Variants in ARL3 observed in about 807,000 individuals in gnomAD.
The protein encoded by ARL3 is ARF like GTPase 3.
Under a neutral mutation model 26.0 loss-of-function variants are expected in ARL3, and 9 were observed. The observed-to-expected ratio is 0.35, with a 90% CI of 0.21 to 0.60. The LOEUF (loss-of-function observed/expected upper bound fraction) is 0.60, where lower values mean the gene tolerates loss of function less well. Ranked by LOEUF, ARL3 falls within the 20% of genes least tolerant of loss-of-function variation. The probability of loss-of-function intolerance (pLI) is 0.78; values close to 1 mark genes in which losing one functional copy is unlikely to be tolerated. For missense variants in ARL3, 158 were observed against 215.7 expected, an observed-to-expected ratio of 0.73 and a Z score of 1.67; for synonymous variants, 71 against 78.4, an observed-to-expected ratio of 0.91 and a Z score of 0.50.
intron 1 of ARL3, among the ~76,000 whole-genome samples, chr10:102,708,056 G>T (rs751899186): frequency 3.3e-5 from 5 of 152,080 alleles, no homozygotes; most frequent in South Asian, 4.2e-4. Context: ...TGGGACTACC[G>T]GCTCACACCA....
chr10:102,681,336 G>A (rs1057422428), intron 5 of ARL3, among the ~76,000 whole-genome samples: 1 of 149,510 alleles, frequency 6.7e-6, no homozygotes, highest in South Asian at 2.1e-4. Context: ...AGGTTGCAGT[G>A]AGCCAAGGTT....
intron 2 of ARL3, among the ~76,000 whole-genome samples, chr10:102,700,070 A>C (rs913662343): frequency 6.6e-6 from 1 of 152,176 alleles, no homozygotes; most frequent in Non-Finnish European, 1.5e-5. Context: ...AGGGAGGTGG[A>C]GCCCTCAGTT....
At chr10:102,700,713 C>T (rs1336718336) in intron 2 of ARL3, among the ~76,000 whole-genome samples, 1 of 150,346 alleles carries the variant, frequency 6.7e-6, no homozygotes. Context: ...ATCCGCCCAC[C>T]TTGGCCTTCC....
At chr10:102,690,268 C>G (rs1177946726) in intron 3 of ARL3, among the ~76,000 whole-genome samples, 1 of 151,192 alleles carries the variant, frequency 6.6e-6, no homozygotes, top group South Asian at 2.1e-4. Context: ...CTCATTACAA[C>G]TCTACAATAT....
At chr10:102,702,988 C>G (rs1369788843) in intron 2 of ARL3, among the ~76,000 whole-genome samples, 1 of 152,140 alleles carries the variant, frequency 6.6e-6, no homozygotes, top group African/African-American at 2.4e-5. Flanking sequence ...CTTTAATGCT[C>G]AAACACTTTA....
intron 4 of ARL3, 93 bp from the exon 5 acceptor site, chr10:102,686,094 C>G: frequency 1.0e-6 from 1 of 978,410 alleles, no homozygotes; most frequent in Non-Finnish European, 1.5e-6. Context: ...TTTTTTGAGA[C>G]AGAGTCTCAC....
chr10:102,703,043 G>A (rs1432033491), intron 2 of ARL3, among the ~76,000 whole-genome samples: 1 of 151,688 alleles, frequency 6.6e-6, no homozygotes, highest in Non-Finnish European at 1.5e-5. Context: ...TTAGCCAAAG[G>A]TCAGGCATTC....
intron 5 of ARL3, among the ~76,000 whole-genome samples, chr10:102,680,896 T>C (rs985887613): frequency 5.9e-5 from 9 of 152,044 alleles, no homozygotes; most frequent in Non-Finnish European, 8.8e-5. Flanking sequence ...TATTAGTAGT[T>C]TTTTTTTCTG....
chr10:102,694,190 CGT>C (rs1304878006), intron 3 of ARL3, among the ~76,000 whole-genome samples: 2 of 151,536 alleles, frequency 1.3e-5, no homozygotes, highest in African/African-American at 4.9e-5. Flanking sequence ...GGGGTTTCAC[CGT>C]GTTAGCCAGG....
intron 1 of ARL3, among the ~76,000 whole-genome samples, chr10:102,705,846 T>C (rs895456810): frequency 3.3e-5 from 5 of 152,180 alleles, no homozygotes; most frequent in African/African-American, 4.8e-5. Context: ...TAACTGATGT[T>C]TGTATTTTTC....
At position 102,699,322 on chromosome 10, in the gene ARL3, TAA is replaced by T. The variant is rs59504153; in HGVS notation, c.264+49_264+50del. 1 allele frequency: 1,162,352 copies of T among 1,162,876 alleles called. 580,916 individuals are homozygous for T. The highest frequency in any genetic ancestry group is 1 in the East Asian group (42,684 of 42,684). The allele number at this position is 1,162,876 out of a possible 1,614,324, so 72.0% of individuals were successfully genotyped here. On this transcript the variant is annotated intron_variant, in intron 3 of 5. Transcript: ENST00000260746. The stretch of plus-strand genomic sequence containing the variant: ...AAGAATGTTACAGTGTCCATGTTTC[TAA>T]CACATGGCAGAAAATACTATGAATT...
At chr10:102,686,451 C>CT (rs1165262040) in intron 4 of ARL3, among the ~76,000 whole-genome samples, 9 of 144,220 alleles carry the variant, frequency 6.2e-5, no homozygotes, top group East Asian at 2.1e-4. Context: ...GATTCTCAAA[C>CT]TTTTTTTTTT....
intron 4 of ARL3, 70 bp from the exon 5 acceptor site, chr10:102,686,071 C>CTTTTTTT: frequency 1.1e-6 from 1 of 875,390 alleles, no homozygotes; most frequent in Non-Finnish European, 1.6e-6. Context: ...CCATACACTA[C>CTTTTTTT]TTTTTTTTTT....
chr10:102,691,610 A>G (rs950102315), intron 3 of ARL3, among the ~76,000 whole-genome samples: 5 of 152,184 alleles, frequency 3.3e-5, no homozygotes, highest in African/African-American at 1.2e-4. Flanking sequence ...TTAGAAATGT[A>G]AAAACCACTC....
intron 4 of ARL3, among the ~76,000 whole-genome samples, chr10:102,687,525 T>G (rs897887601): frequency 6.6e-6 from 1 of 151,852 alleles, no homozygotes; most frequent in Non-Finnish European, 1.5e-5. Context: ...CTGTCTCTAT[T>G]AAAAATACAA....
chr10:102,712,775 T>C (rs2064350440), intron 1 of ARL3, among the ~76,000 whole-genome samples: 1 of 152,178 alleles, frequency 6.6e-6, no homozygotes, highest in South Asian at 2.1e-4. Context: ...TTCTAGCTAT[T>C]TTCTGGGTAA....
intron 2 of ARL3, among the ~76,000 whole-genome samples, chr10:102,701,248 C>G (rs779849142): frequency 2.6e-5 from 4 of 152,122 alleles, no homozygotes; most frequent in Non-Finnish European, 5.9e-5. Context: ...TTTGAAAAAC[C>G]CAGTCAACAG....
intron 2 of ARL3, among the ~76,000 whole-genome samples, chr10:102,700,215 C>T (rs2064272020): frequency 6.6e-6 from 1 of 151,972 alleles, no homozygotes; most frequent in South Asian, 2.1e-4. Context: ...TCGAGATCAG[C>T]CTGGTCAATA....
chr10:102,709,201 C>T (rs1348338706), intron 1 of ARL3, among the ~76,000 whole-genome samples: 5 of 151,714 alleles, frequency 3.3e-5, no homozygotes, highest in East Asian at 3.9e-4. Context: ...CCACTGCACC[C>T]GGCCTATAAA....
Sources: allele counts gnomAD v4.1 joint callset (sites outside exome capture counted in the v4.1 genomes callset), GRCh38; gene constraint gnomAD v4.1.1; transcripts MANE v1.5; gene names NCBI Gene and HGNC (gene_info 2026-07-23, HGNC 2026-07-21).